UNC13C: variants seen among roughly 807,000 people sequenced by gnomAD.
UNC13C encodes protein unc-13 homolog C.
In UNC13C, 174 loss-of-function variants were observed where a neutral mutation model predicts 245.4. The ratio of observed to expected loss-of-function variants is 0.71; its 90% confidence interval spans 0.63 to 0.80. The LOEUF is 0.80. Among genes scored for constraint, UNC13C ranks in the 30% least tolerant of loss-of-function variants. UNC13C has a pLI of 0.00. For missense variants in UNC13C, 2,829 were observed against 2,602.9 expected (o/e 1.09, Z -1.89); for synonymous variants, 992 against 895.1 (o/e 1.11, Z -1.93).
chr15:54,588,532 A>G (rs1898605201), intron 30 of UNC13C, among the ~76,000 whole-genome samples: 1 of 152,158 alleles, frequency 6.6e-6, no homozygotes, highest in South Asian at 2.1e-4. Context: ...TTATTGGTAT[A>G]CAGGTGGTAT....
intron 17 of UNC13C, among the ~76,000 whole-genome samples, chr15:54,385,589 T>A (rs2039821148): frequency 6.6e-6 from 1 of 151,216 alleles, no homozygotes; most frequent in Admixed American, 6.6e-5. Flanking sequence ...GCAGGGTTGA[T>A]TATGGATATA....
chr15:53,842,860 C>CG, the UNC13C span, among the ~76,000 whole-genome samples: 5 of 149,906 alleles, frequency 3.3e-5, no homozygotes, highest in African/African-American at 1.2e-4. Context: ...TTTTGAACAC[C>CG]AGGATCATTC....
the UNC13C span, among the ~76,000 whole-genome samples, chr15:53,888,607 G>C: frequency 1.3e-5 from 2 of 152,176 alleles, no homozygotes; most frequent in Non-Finnish European, 2.9e-5. Context: ...TGGTGTTTTA[G>C]ACATGAAGTC....
At chr15:54,171,400 T>C (rs1414910137) in intron 4 of UNC13C, among the ~76,000 whole-genome samples, 1 of 151,682 alleles carries the variant, frequency 6.6e-6, no homozygotes, top group Non-Finnish European at 1.5e-5. Context: ...CAAACAACAC[T>C]ATAGGAAACA....
intron 19 of UNC13C, among the ~76,000 whole-genome samples, chr15:54,424,093 A>G (rs2040708063): frequency 6.6e-6 from 1 of 151,930 alleles, no homozygotes. Context: ...AATGAATATT[A>G]TCTAAACTAC....
intron 17 of UNC13C, among the ~76,000 whole-genome samples, chr15:54,387,044 T>G (rs537705579): frequency 6.6e-6 from 1 of 152,312 alleles, no homozygotes; most frequent in South Asian, 2.1e-4. Context: ...TATCTGAAAC[T>G]TTAGGTTCTA....
intron 4 of UNC13C, among the ~76,000 whole-genome samples, chr15:54,178,579 G>A (rs2033692951): frequency 6.6e-6 from 1 of 152,142 alleles, no homozygotes; most frequent in Admixed American, 6.6e-5. Flanking sequence ...AGAGGGATAA[G>A]CCTTTCCAAG....
chr15:53,957,103 A>T, the UNC13C span, among the ~76,000 whole-genome samples: 23 of 151,928 alleles, frequency 1.5e-4, no homozygotes, highest in African/African-American at 5.6e-4. Context: ...ATAACATGCA[A>T]AGTGAGAATT....
chr15:54,009,848 G>T (rs1272123286), intron 1 of UNC13C, among the ~76,000 whole-genome samples: 1 of 152,162 alleles, frequency 6.6e-6, no homozygotes, highest in Non-Finnish European at 1.5e-5. Context: ...GTATCACAGA[G>T]TTGGGATTCC....
intron 18 of UNC13C, among the ~76,000 whole-genome samples, chr15:54,402,454 G>A (rs2040207191): frequency 6.6e-6 from 1 of 151,926 alleles, no homozygotes; most frequent in African/African-American, 2.4e-5. Flanking sequence ...CTACCTCCCT[G>A]ACCACATATC....
chr15:54,300,706 A>G (rs888545513), intron 13 of UNC13C, among the ~76,000 whole-genome samples: 2 of 152,112 alleles, frequency 1.3e-5, no homozygotes, highest in African/African-American at 4.8e-5. Flanking sequence ...CCAGCAACCT[A>G]TGGTTTAACA....
the UNC13C span, among the ~76,000 whole-genome samples, chr15:53,905,399 T>C: frequency 1.6e-5 from 2 of 123,544 alleles, no homozygotes; most frequent in Non-Finnish European, 3.5e-5. Flanking sequence ...TATTACTTTA[T>C]ACACACACAC....
At chr15:54,005,237 T>C (rs899468023) in intron 1 of UNC13C, among the ~76,000 whole-genome samples, 1 of 152,182 alleles carries the variant, frequency 6.6e-6, no homozygotes, top group East Asian at 1.9e-4. Flanking sequence ...GCTCTAATAA[T>C]AAAAACTAGT....
chr15:54,189,904 A>G (rs1164572204), intron 4 of UNC13C, among the ~76,000 whole-genome samples: 1 of 152,106 alleles, frequency 6.6e-6, no homozygotes, highest in African/African-American at 2.4e-5. Flanking sequence ...GTAAAAAAAT[A>G]GAAGTGATTT....
chr15:54,136,625 G>C (rs972566043), intron 2 of UNC13C, among the ~76,000 whole-genome samples: 5 of 152,016 alleles, frequency 3.3e-5, no homozygotes, highest in African/African-American at 1.2e-4. Flanking sequence ...TCTTGTTTCT[G>C]ATCTTAGGGG....
At chr15:53,883,029 C>T in the UNC13C span, among the ~76,000 whole-genome samples, 2 of 151,906 alleles carry the variant, frequency 1.3e-5, no homozygotes, top group African/African-American at 4.8e-5. Context: ...ACCTGCACAT[C>T]CCGCACATGT....
At chr15:53,980,488 A>G (rs28594816) in intron 1 of UNC13C, among the ~76,000 whole-genome samples, 1,559 of 152,340 alleles carry the variant, frequency 0.01, 30 homozygotes, top group African/African-American at 0.036. Flanking sequence ...TCCATTAAGT[A>G]ATTTTTTAAA....
At chr15:54,167,939 C>T (rs1298756446) in intron 4 of UNC13C, among the ~76,000 whole-genome samples, 2 of 152,038 alleles carry the variant, frequency 1.3e-5, no homozygotes, top group African/African-American at 2.4e-5. Context: ...TATGCACCTA[C>T]CAAAATGTTA....
intron 4 of UNC13C, among the ~76,000 whole-genome samples, chr15:54,153,647 A>C (rs2032621188): frequency 6.6e-6 from 1 of 152,120 alleles, no homozygotes; most frequent in Admixed American, 6.5e-5. Flanking sequence ...GTACACTTAC[A>C]TTATATTTTA....
Sources: gnomAD v4.1 joint callset for allele counts (sites outside exome capture counted in the v4.1 genomes callset) on GRCh38, gnomAD v4.1.1 for gene constraint, MANE v1.5 for transcripts, NCBI Gene and HGNC (gene_info 2026-07-23, HGNC 2026-07-21) for gene names.